Variants in AGBL3 observed in about 807,000 individuals in gnomAD.
The protein encoded by AGBL3 is cytosolic carboxypeptidase 3.
Under a neutral mutation model 94.5 loss-of-function variants are expected in AGBL3, and 68 were observed. The ratio of observed to expected loss-of-function variants is 0.72; its 90% confidence interval spans 0.59 to 0.88. The LOEUF (loss-of-function observed/expected upper bound fraction) is 0.88, where lower values mean the gene tolerates loss of function less well. Ranked by LOEUF, AGBL3 falls within the 40% of genes least tolerant of loss-of-function variation. The pLI is 0.00. For synonymous variants in AGBL3, 354 were observed against 370.7 expected (o/e 0.95, Z 0.52); for missense variants, 934 against 1,103.8 (o/e 0.85, Z 2.18).
chr7:135,112,524 T>C (rs1825786712), intron 15 of AGBL3, among the ~76,000 whole-genome samples: 2 of 152,216 alleles, frequency 1.3e-5, no homozygotes, highest in Non-Finnish European at 2.9e-5. Flanking sequence ...TAGATGACTG[T>C]CCTTTTTTAC....
At chr7:135,121,353 T>A (rs7384216) in intron 16 of AGBL3, among the ~76,000 whole-genome samples, 8,267 of 152,258 alleles carry the variant, frequency 0.054, 301 homozygotes, top group Middle Eastern at 0.18. Flanking sequence ...TATAAATATC[T>A]AACTGACATT....
chr7:135,057,126 G>A (rs1008419830), intron 11 of AGBL3, among the ~76,000 whole-genome samples: 1 of 151,980 alleles, frequency 6.6e-6, no homozygotes, highest in Non-Finnish European at 1.5e-5. Context: ...TTTGAAAAAA[G>A]AGCAACAAAA....
At chr7:135,024,897 T>A (rs1003091968) in intron 5 of AGBL3, among the ~76,000 whole-genome samples, 1 of 151,876 alleles carries the variant, frequency 6.6e-6, no homozygotes, top group Non-Finnish European at 1.5e-5. Flanking sequence ...CCTCAGAGCT[T>A]GAATAAACTC....
chr7:135,103,233 C>T (rs1255050676), intron 15 of AGBL3, among the ~76,000 whole-genome samples: 1 of 152,136 alleles, frequency 6.6e-6, no homozygotes, highest in African/African-American at 2.4e-5. Context: ...TCTTCTAATG[C>T]TCTTGGTGGA....
At position 135,034,560 on chromosome 7, in the gene AGBL3, T is replaced by C; in HGVS notation, c.969T>C (p.Cys323=). The change falls in exon 7 of 17, where the codon TGT becomes TGC. Residue 323 remains cysteine (C), a synonymous_variant. Coordinates refer to ENST00000436302, the MANE Select transcript of AGBL3 (RefSeq NM_178563.4). ...ATGATCCAGTACGGTCAAAGTTTTG[T>C]AAAATACGTGTTTTGTGCCACACGC... The part of the protein sequence containing the change: ...INNDPVRSKF[C]KIRVLCHTLA... 2 of 1,551,900 alleles carry C rather than the reference T, an allele frequency of 1.3e-6. No individual in the cohort carries two copies. Among genetic ancestry groups the C allele is most frequent in the Non-Finnish European group, 1.7e-6 (2 of 1,147,002 alleles).
At chr7:135,119,207 T>C (rs1400671027) in intron 16 of AGBL3, among the ~76,000 whole-genome samples, 1 of 151,584 alleles carries the variant, frequency 6.6e-6, no homozygotes, top group Non-Finnish European at 1.5e-5. Flanking sequence ...CCCAAAGAAA[T>C]TCATGCCAAG....
At chr7:135,080,072 C>A (rs1166387989) in intron 13 of AGBL3, 131 bp from the exon 14 acceptor site, 3 of 656,964 alleles carry the variant, frequency 4.6e-6, no homozygotes, top group Admixed American at 3.1e-5. Flanking sequence ...TAATTTTGGT[C>A]ATTCTAAACC....
chr7:135,083,703 C>G (rs949089891), intron 15 of AGBL3, among the ~76,000 whole-genome samples: 1 of 152,128 alleles, frequency 6.6e-6, no homozygotes, highest in Non-Finnish European at 1.5e-5. Context: ...TATCATATTT[C>G]TTTATTCTCT....
At position 135,135,149 on chromosome 7, in the gene AGBL3, A is replaced by C. The variant is rs991586968; in HGVS notation, c.2651A>C (p.Asn884Thr). 6 of 1,551,044 alleles carry C rather than the reference A, an allele frequency of 3.9e-6. No homozygotes were observed. In the African/African-American group the frequency reaches 8.2e-5, roughly 21 times the overall value. ...AAGAGTCTTCAAGCTGAAGAAACTA[A>C]CCAGCAAAGCTCTAAGCATACAGCC... The part of the protein sequence containing the change: ...KYKSLQAEET[N>T]QQSSKHTALH... The change falls in exon 17 of 17, where the codon AAC becomes ACC. Residue 884 changes from asparagine (N) to threonine (T), a missense_variant. Around this residue, in one of 3 missense-constraint regions of AGBL3, gnomAD observed 441 missense variants for 518.2 expected, o/e 0.85. Coordinates refer to ENST00000436302, the MANE Select transcript of AGBL3 (RefSeq NM_178563.4).
chr7:135,088,101 A>C (rs765563171), intron 15 of AGBL3, among the ~76,000 whole-genome samples: 50 of 152,164 alleles, frequency 3.3e-4, no homozygotes, highest in Non-Finnish European at 6.2e-4. Flanking sequence ...TTTTTGACTT[A>C]AAGTCTGTTT....
intron 4 of AGBL3, among the ~76,000 whole-genome samples, chr7:135,007,493 CA>C (rs1484296680): frequency 1.3e-5 from 2 of 151,820 alleles, no homozygotes; most frequent in African/African-American, 4.8e-5. Flanking sequence ...CCTTTCATGA[CA>C]AAAACACTCA....
intron 4 of AGBL3, among the ~76,000 whole-genome samples, chr7:134,997,983 T>C (rs1811217571): frequency 6.6e-6 from 1 of 152,216 alleles, no homozygotes; most frequent in South Asian, 2.1e-4. Flanking sequence ...ATTAAGTAGA[T>C]CCAGTTCTTA....
chr7:135,035,042 T>C, intron 7 of AGBL3, 114 bp downstream of exon 7: 1 of 932,406 alleles, frequency 1.1e-6, no homozygotes, highest in Non-Finnish European at 1.5e-6. Context: ...CTAACTACTG[T>C]ATAACTACTT....
At chr7:135,024,458 T>G (rs190486711) in intron 5 of AGBL3, among the ~76,000 whole-genome samples, 20 of 152,340 alleles carry the variant, frequency 1.3e-4, no homozygotes, top group Non-Finnish European at 2.8e-4. Flanking sequence ...TGTACAGAGC[T>G]TTGGCCTTCT....
At chr7:135,114,609 T>C (rs1230024459) in intron 15 of AGBL3, among the ~76,000 whole-genome samples, 5 of 152,068 alleles carry the variant, frequency 3.3e-5, no homozygotes, top group African/African-American at 1.2e-4. Context: ...CATCCAATTC[T>C]TTAGAAAATC....
In AGBL3 at chr7:135,135,169, A is replaced by G; in HGVS notation, c.2671A>G (p.Thr891Ala). ...AACTAACCAGCAAAGCTCTAAGCAT[A>G]CAGCCCTCCATCTAACTAAAAATAA... ...EETNQQSSKH[T>A]ALHLTKNKDE... The change falls in exon 17 of 17, where the codon ACA becomes GCA. Residue 891 changes from threonine (T) to alanine (A), a missense_variant. By Grantham distance (58) the Thr-to-Ala change is moderately conservative. Transcript: ENST00000436302. 1 of 1,550,968 alleles carries G rather than the reference A, an allele frequency of 6.4e-7. No individual in the cohort carries two copies. The highest frequency in any genetic ancestry group is 8.7e-7 in the Non-Finnish European group (1 of 1,146,612).
intron 16 of AGBL3, among the ~76,000 whole-genome samples, chr7:135,134,197 T>G (rs576857014): frequency 6.6e-6 from 1 of 152,198 alleles, no homozygotes; most frequent in South Asian, 2.1e-4. Context: ...CAAGCTATTT[T>G]GGGGAAATTG....
chr7:135,017,536 G>A (rs1813944717), intron 5 of AGBL3, among the ~76,000 whole-genome samples: 1 of 152,050 alleles, frequency 6.6e-6, no homozygotes, highest in South Asian at 2.1e-4. Context: ...TTAATTTCCT[G>A]ACTCTGATGC....
chr7:135,017,135 A>G lies in AGBL3; in HGVS notation c.394A>G (p.Thr132Ala). 1.3e-6 allele frequency: 2 copies of G among 1,548,572 alleles called. No individual in the cohort carries two copies. Among genetic ancestry groups the G allele is most frequent in the South Asian group, 2.4e-5 (2 of 83,990 alleles). ...CCTTTATCCAGACTCCAAGGAAGCT[A>G]CTGTGGTTTATCTAGCTGAAGATGG... ...EPLYPDSKEATVVYLAEDAYK... is the reference protein window; with the variant it reads ...EPLYPDSKEAAVVYLAEDAYK... Residue 132 changes from threonine (T) to alanine (A), a missense_variant, in exon 5 of 17, where the codon ACT becomes GCT. Physicochemically the swap from Thr to Ala is moderately conservative, Grantham distance 58 (BLOSUM62 0). Transcript: ENST00000436302.
Sources: allele counts gnomAD v4.1 joint callset (sites outside exome capture counted in the v4.1 genomes callset), GRCh38; gene constraint gnomAD v4.1.1; regional missense constraint gnomAD v4.1.1; transcripts MANE v1.5; gene names NCBI Gene and HGNC (gene_info 2026-07-23, HGNC 2026-07-21).